Variants in CADM2 observed in about 807,000 individuals in gnomAD.
CADM2 encodes cell adhesion molecule 2.
In CADM2, 12 loss-of-function variants were observed where a neutral mutation model predicts 49.8. The ratio of observed to expected loss-of-function variants is 0.24; its 90% CI spans 0.15 to 0.39. The LOEUF is 0.39. CADM2 is among the 10% of genes least tolerant of loss of function. The pLI is 1.00. For missense variants in CADM2, 378 were observed against 492.3 expected, an observed-to-expected ratio of 0.77 and a Z score of 2.20; for synonymous variants, 214 against 175.4, an observed-to-expected ratio of 1.22 and a Z score of -1.74.
chr3:85,469,863 A>G (rs933501305), intron 1 of CADM2, among the ~76,000 whole-genome samples: 26 of 152,172 alleles, frequency 1.7e-4, no homozygotes, highest in East Asian at 5.8e-4. Flanking sequence ...GAGGTGCCCA[A>G]TGAGTATTAT....
intron 1 of CADM2, among the ~76,000 whole-genome samples, chr3:85,572,366 AG>A (rs1168799752): frequency 6.6e-6 from 1 of 152,188 alleles, no homozygotes; most frequent in East Asian, 1.9e-4. Context: ...GAGGCATAAA[AG>A]TTTGTATACT....
At chr3:85,692,303 A>G (rs1218737234) in intron 1 of CADM2, among the ~76,000 whole-genome samples, 1 of 152,158 alleles carries the variant, frequency 6.6e-6, no homozygotes, top group East Asian at 1.9e-4. Context: ...GGTAGGCTGA[A>G]TTTCTGGCCT....
chr3:85,638,016 C>A (rs994165209), intron 1 of CADM2, among the ~76,000 whole-genome samples: 3 of 152,176 alleles, frequency 2.0e-5, no homozygotes, highest in African/African-American at 4.8e-5. Flanking sequence ...AATAACATTT[C>A]TAAAGAGTGC....
intron 8 of CADM2, among the ~76,000 whole-genome samples, chr3:86,004,089 G>A (rs556885567): frequency 2.0e-4 from 31 of 152,160 alleles, no homozygotes; most frequent in African/African-American, 7.5e-4. Context: ...CTCTACCACT[G>A]AGAAAGGAAG....
intron 8 of CADM2, among the ~76,000 whole-genome samples, chr3:85,967,895 TA>T (rs1297401803): frequency 2.0e-5 from 3 of 151,476 alleles, no homozygotes; most frequent in African/African-American, 7.3e-5. Flanking sequence ...TAGCAAACAT[TA>T]AAAAGGGATT....
At chr3:85,027,449 A>G (rs1238216886) in intron 1 of CADM2, among the ~76,000 whole-genome samples, 2 of 152,024 alleles carry the variant, frequency 1.3e-5, no homozygotes, top group Non-Finnish European at 2.9e-5. Context: ...GTAAGTAGTT[A>G]GAATAACTGA....
intron 1 of CADM2, among the ~76,000 whole-genome samples, chr3:85,353,102 G>T (rs551661519): frequency 6.6e-6 from 1 of 152,188 alleles, no homozygotes; most frequent in African/African-American, 2.4e-5. Flanking sequence ...CTAGTAAAAT[G>T]ATTTGTTGCA....
At chr3:85,141,839 A>G (rs1430770510) in intron 1 of CADM2, among the ~76,000 whole-genome samples, 3 of 152,152 alleles carry the variant, frequency 2.0e-5, no homozygotes, top group Non-Finnish European at 4.4e-5. Flanking sequence ...CATTTATTAG[A>G]TGATAAGATC....
intron 1 of CADM2, among the ~76,000 whole-genome samples, chr3:85,685,845 C>T (rs1285110633): frequency 6.6e-6 from 1 of 151,606 alleles, no homozygotes; most frequent in Non-Finnish European, 1.5e-5. Flanking sequence ...AGCCTGGTCT[C>T]GAACTCCTGA....
intron 2 of CADM2, among the ~76,000 whole-genome samples, chr3:85,798,401 A>G (rs4619794): frequency 0.71 from 107,674 of 152,060 alleles, 39,629 homozygotes; most frequent in African/African-American, 0.92. Context: ...ACGGTTTCAG[A>G]TCTTAATGTT....
At chr3:85,182,717 A>C (rs1170518591) in intron 1 of CADM2, among the ~76,000 whole-genome samples, 1 of 152,120 alleles carries the variant, frequency 6.6e-6, no homozygotes, top group Non-Finnish European at 1.5e-5. Context: ...TGTCTCTTGT[A>C]AATCCAAAAT....
chr3:85,492,672 AT>A (rs1461593238), intron 1 of CADM2, among the ~76,000 whole-genome samples: 1 of 152,170 alleles, frequency 6.6e-6, no homozygotes, highest in Non-Finnish European at 1.5e-5. Flanking sequence ...TTATCTGCAT[AT>A]TATTTTCTTA....
chr3:85,613,611 G>A (rs2063731472), intron 1 of CADM2, among the ~76,000 whole-genome samples: 2 of 151,460 alleles, frequency 1.3e-5, no homozygotes. Flanking sequence ...TTTGGTTTGA[G>A]AATGACACTT....
At chr3:86,007,466 T>A (rs1730934957) in intron 8 of CADM2, among the ~76,000 whole-genome samples, 1 of 152,134 alleles carries the variant, frequency 6.6e-6, no homozygotes, top group Admixed American at 6.6e-5. Context: ...TAAACTGAAC[T>A]TTCCAGCAGC....
intron 1 of CADM2, among the ~76,000 whole-genome samples, chr3:85,209,037 A>C (rs1045689490): frequency 2.0e-5 from 3 of 152,180 alleles, no homozygotes; most frequent in African/African-American, 7.2e-5. Context: ...CACAGACAAG[A>C]AATGGAAGAC....
At chr3:85,855,587 T>TATATATATAAAAC (rs1483457975) in intron 3 of CADM2, among the ~76,000 whole-genome samples, 2,557 of 87,462 alleles carry the variant, frequency 0.029, 110 homozygotes, top group Non-Finnish European at 0.04. Flanking sequence ...ATAAAAAACA[T>TATATATATAAAAC]ATATATATAT....
Position 85,845,701 on chromosome 3 carries a change from T to G in CADM2, c.239-37590T>G, listed in dbSNP as rs193067816. 2.3e-3 allele frequency among the ~76,000 whole-genome samples: 351 copies of G among 152,296 alleles called. 6 individuals carry two copies. Among genetic ancestry groups the G allele is most frequent in the East Asian group, 1.5e-3 (8 of 5,176 alleles). On this transcript the variant is annotated intron_variant, in intron 3 of 9. Coordinates refer to ENST00000383699, the MANE Select transcript of CADM2 (RefSeq NM_001167675.2). ...ACAGGATGTAGGCCCAGCGGGATGT[T>G]TGAGTGGGCCTCAAGGCTATCATTA...
chr3:85,537,391 T>C (rs1032587719), intron 1 of CADM2, among the ~76,000 whole-genome samples: 2 of 152,064 alleles, frequency 1.3e-5, no homozygotes, highest in African/African-American at 4.8e-5. Context: ...CCAATGTAAT[T>C]CTGAATTCAA....
At chr3:85,683,618 G>T (rs1266341295) in intron 1 of CADM2, among the ~76,000 whole-genome samples, 1 of 152,112 alleles carries the variant, frequency 6.6e-6, no homozygotes, top group African/African-American at 2.4e-5. Context: ...TGAATGTCAA[G>T]TTCTTTTTGC....
Sources: gnomAD v4.1 joint callset for allele counts (sites outside exome capture counted in the v4.1 genomes callset) on GRCh38, gnomAD v4.1.1 for gene constraint, MANE v1.5 for transcripts, NCBI Gene and HGNC (gene_info 2026-07-23, HGNC 2026-07-21) for gene names.